The following ETV6 variants were observed in gnomAD, a reference collection of about 807,000 sequenced individuals.
The protein encoded by ETV6 is transcription factor ETV6.
In ETV6, 16 loss-of-function variants were observed where a neutral mutation model predicts 51.1. The ratio of observed to expected loss-of-function variants is 0.31; its 90% CI spans 0.21 to 0.48. The LOEUF is 0.48. Ranked by LOEUF, ETV6 falls within the 20% of genes least tolerant of loss-of-function variation. The pLI, the probability that ETV6 is intolerant of heterozygous loss-of-function variation, is 0.99. For synonymous variants in ETV6, 240 were observed against 224.1 expected (o/e 1.07, Z -0.64); for missense variants, 458 against 594.8 (o/e 0.77, Z 2.39).
intron 4 of ETV6, among the ~76,000 whole-genome samples, chr12:11,868,358 TA>T (rs1244795124): frequency 1.3e-5 from 2 of 152,054 alleles, no homozygotes; most frequent in Non-Finnish European, 2.9e-5. Flanking sequence ...TTATCATCTG[TA>T]AAATAGGGGT....
intron 1 of ETV6, among the ~76,000 whole-genome samples, chr12:11,695,104 T>G (rs1864849825): frequency 6.6e-6 from 1 of 152,224 alleles, no homozygotes; most frequent in Non-Finnish European, 1.5e-5. Flanking sequence ...GAGACTCATC[T>G]GATGTGAACT....
chr12:11,729,052 G>T (rs1865545556), intron 1 of ETV6, among the ~76,000 whole-genome samples: 1 of 152,164 alleles, frequency 6.6e-6, no homozygotes, highest in South Asian at 2.1e-4. Context: ...TATTTTTGAT[G>T]GCTCTGTGAC....
intron 2 of ETV6, among the ~76,000 whole-genome samples, chr12:11,763,980 T>C (rs978171033): frequency 2.6e-5 from 4 of 152,320 alleles, no homozygotes; most frequent in Admixed American, 6.5e-5. Context: ...TGCAATGATT[T>C]AGAGTGCTTT....
At chr12:11,650,515 A>C (rs1454124822) in intron 1 of ETV6, among the ~76,000 whole-genome samples, 21 of 133,444 alleles carry the variant, frequency 1.6e-4, no homozygotes, top group Non-Finnish European at 1.0e-4. Flanking sequence ...AAAAAAAAAA[A>C]CCTGCTCCCT....
chr12:11,795,748 C>T (rs1945666486), intron 2 of ETV6, among the ~76,000 whole-genome samples: 1 of 152,204 alleles, frequency 6.6e-6, no homozygotes, highest in Admixed American at 6.5e-5. Context: ...CATTCCAGTT[C>T]CGGCTCTGCT....
intron 5 of ETV6, among the ~76,000 whole-genome samples, chr12:11,878,646 C>T: frequency 6.6e-6 from 1 of 152,118 alleles, no homozygotes; most frequent in East Asian, 1.9e-4. Context: ...TTTGCCTCCA[C>T]TTCTCCCTCC....
At chr12:11,716,330 CAAAAAAAAAAAAAAA>C (rs3049068) in intron 1 of ETV6, among the ~76,000 whole-genome samples, 14 of 58,096 alleles carry the variant, frequency 2.4e-4, no homozygotes, top group African/African-American at 7.5e-4. Flanking sequence ...GACTCCTTCT[CAAAAAAAAAAAAAAA>C]AAAAAAAAAA....
intron 3 of ETV6, among the ~76,000 whole-genome samples, chr12:11,848,693 T>A (rs1041383131): frequency 2.0e-5 from 3 of 152,250 alleles, no homozygotes; most frequent in Admixed American, 6.5e-5. Flanking sequence ...TTGGGCAATA[T>A]GAATCTTTCT....
rs748103552 is a variant in ETV6, at chr12:11,891,494, G to A, written c.*448G>A. ...ATTTTTTGCAAATCTCACAAAGTGC[G>A]GCAAGCCCAGCTGGTCAGGAAAGAG... On this transcript the variant is annotated 3_prime_UTR_variant, in exon 8 of 8. Coordinates refer to ENST00000396373, the MANE Select transcript of ETV6 (RefSeq NM_001987.5). 4.4e-5 allele frequency: 22 copies of A among 494,750 alleles called. No homozygotes were observed. Among genetic ancestry groups the A allele is most frequent in the African/African-American group, 9.7e-5 (5 of 51,288 alleles). The allele number at this position is 494,750 out of a possible 1,614,324, so 30.6% of individuals were successfully genotyped here. A position where few individuals can be genotyped will look rare whatever the true frequency, so the allele number is the denominator to read the frequency against.
chr12:11,663,422 GC>G (rs781402819), intron 1 of ETV6, among the ~76,000 whole-genome samples: 1 of 152,314 alleles, frequency 6.6e-6, no homozygotes, highest in East Asian at 1.9e-4. Context: ...CAGGGTTTGT[GC>G]TTGTGACTCT....
intron 2 of ETV6, among the ~76,000 whole-genome samples, chr12:11,761,673 C>T (rs1029975610): frequency 6.6e-6 from 1 of 152,210 alleles, no homozygotes; most frequent in Admixed American, 6.5e-5. Context: ...GGTAAGAGGG[C>T]AGAGAACATG....
chr12:11,751,308 C>T (rs370260702), intron 1 of ETV6: 1 of 518,390 alleles, frequency 1.9e-6, no homozygotes, highest in Middle Eastern at 3.2e-4. Context: ...ACTGCCTTCC[C>T]TTTACTTAAA....
At chr12:11,870,248 C>G (rs878895742) in intron 5 of ETV6, among the ~76,000 whole-genome samples, 1 of 152,046 alleles carries the variant, frequency 6.6e-6, no homozygotes, top group Non-Finnish European at 1.5e-5. Flanking sequence ...CAAGGCTAAG[C>G]GAAAACATTT....
chr12:11,840,601 C>T (rs1946374982), intron 3 of ETV6: 6 of 439,582 alleles, frequency 1.4e-5, no homozygotes, highest in Non-Finnish European at 2.3e-5. Flanking sequence ...AAACGTCCCT[C>T]ATTACAGGAG....
At chr12:11,717,395 C>T (rs987789767) in intron 1 of ETV6, among the ~76,000 whole-genome samples, 2 of 152,202 alleles carry the variant, frequency 1.3e-5, no homozygotes, top group Admixed American at 6.5e-5. Flanking sequence ...TTCTGGAGGA[C>T]AGGCTGTGCA....
At chr12:11,794,749 C>T (rs1041536059) in intron 2 of ETV6, among the ~76,000 whole-genome samples, 3 of 152,188 alleles carry the variant, frequency 2.0e-5, no homozygotes, top group African/African-American at 7.2e-5. Context: ...AGGAGAAAAC[C>T]ATTATTTTAC....
intron 1 of ETV6, among the ~76,000 whole-genome samples, chr12:11,693,160 G>A (rs921068076): frequency 4.6e-5 from 7 of 152,214 alleles, no homozygotes; most frequent in Non-Finnish European, 8.8e-5. Flanking sequence ...GGTGGTGGGA[G>A]ACAGTGTTGC....
chr12:11,870,008 G>T, intron 5 of ETV6, 39 bp downstream of exon 5: 1 of 1,560,512 alleles, frequency 6.4e-7, no homozygotes, highest in South Asian at 1.2e-5. Context: ...GCATCATGGG[G>T]ACCTGACAAA....
At chr12:11,797,977 A>G (rs1945701985) in intron 2 of ETV6, among the ~76,000 whole-genome samples, 2 of 152,218 alleles carry the variant, frequency 1.3e-5, no homozygotes, top group Non-Finnish European at 2.9e-5. Flanking sequence ...GTGATGATAG[A>G]AACAAAAGGA....
Sources: gnomAD v4.1 joint callset for allele counts (sites outside exome capture counted in the v4.1 genomes callset) on GRCh38, gnomAD v4.1.1 for gene constraint, MANE v1.5 for transcripts, NCBI Gene and HGNC (gene_info 2026-07-23, HGNC 2026-07-21) for gene names.